The following KAZN variants were observed in gnomAD, a reference collection of about 807,000 sequenced individuals.
KAZN encodes kazrin, periplakin interacting protein, also known as kazrin.
In KAZN, 40 loss-of-function variants were observed where a neutral mutation model predicts 87.4. The observed-to-expected ratio is 0.46, with a 90% CI of 0.36 to 0.60. KAZN has a LOEUF of 0.60. KAZN is among the 20% of genes least tolerant of loss of function. The pLI is 0.00. For missense variants in KAZN, 898 were observed against 1,073.9 expected, an observed-to-expected ratio of 0.84 and a Z score of 2.29; for synonymous variants, 466 against 458.3, an observed-to-expected ratio of 1.02 and a Z score of -0.22.
At position 14,923,826 on chromosome 1, in the gene KAZN, G is replaced by T. The variant is rs975472231; in HGVS notation, c.227-36858G>T. Among the ~76,000 whole-genome samples the T allele has an allele frequency of 2.0e-5, 3 of 152,340 alleles. No individual in the cohort carries two copies. The highest frequency in any genetic ancestry group is 4.8e-5 in the African/African-American group (2 of 41,586). ...GCTGTCACAGGGTGTCAGGAGAGGA[G>T]AGAGACACAGCAAAGTGGGGTGCCA... On this transcript the variant is annotated intron_variant, in intron 1 of 14. Coordinates refer to ENST00000376030, the MANE Select transcript of KAZN (RefSeq NM_201628.3). This position sits in a 1 kb window ranked among gnomAD's most constrained non-coding sequence, Gnocchi z 4.2.
At chr1:14,346,430 C>T (rs914403142) in intron 2 of KAZN, among the ~76,000 whole-genome samples, 9 of 152,116 alleles carry the variant, frequency 5.9e-5, no homozygotes, top group African/African-American at 2.2e-4. Flanking sequence ...TGTTCTTTCT[C>T]AGCCCTCCTG....
intron 1 of KAZN, among the ~76,000 whole-genome samples, chr1:14,622,640 G>A (rs1414272850): frequency 7.0e-6 from 1 of 143,700 alleles, no homozygotes; most frequent in Non-Finnish European, 1.5e-5. Flanking sequence ...GCAGGGAGCG[G>A]AGATCGACCA....
At chr1:14,309,218 A>T (rs1000610964) in intron 2 of KAZN, among the ~76,000 whole-genome samples, 2 of 152,258 alleles carry the variant, frequency 1.3e-5, no homozygotes, top group Middle Eastern at 3.4e-3. Context: ...CAACCCTTTT[A>T]AAAAAAATTG....
intron 1 of KAZN, among the ~76,000 whole-genome samples, chr1:14,931,812 A>G (rs924229638): frequency 6.6e-6 from 1 of 152,190 alleles, no homozygotes; most frequent in Admixed American, 6.5e-5. Context: ...AGGCACGATC[A>G]GGGCACGCTA....
At chr1:14,929,583 A>G (rs2101563559) in intron 1 of KAZN, among the ~76,000 whole-genome samples, 1 of 152,322 alleles carries the variant, frequency 6.6e-6, no homozygotes, top group South Asian at 2.1e-4. Context: ...ATGTAGACAG[A>G]TTTTAGTCCC....
intron 1 of KAZN, among the ~76,000 whole-genome samples, chr1:14,940,148 A>C (rs534053983): frequency 2.0e-5 from 3 of 152,174 alleles, no homozygotes; most frequent in African/African-American, 7.2e-5. Context: ...TGGTATAGAG[A>C]GCTGCTTCCT....
Position 14,727,480 on chromosome 1 carries a change from T to C in KAZN, c.226+128257T>C, listed in dbSNP as rs1375844492. Among the ~76,000 whole-genome samples, 7 of 101,178 alleles carry C rather than the reference T, an allele frequency of 6.9e-5. 1 individual carries two copies. Among genetic ancestry groups the C allele is most frequent in the African/African-American group, 2.1e-4 (5 of 24,378 alleles). The allele number at this position is 101,178 out of a possible 152,430, so 66.4% of individuals were successfully genotyped here. A position where few individuals can be genotyped will look rare whatever the true frequency, so the allele number is the denominator to read the frequency against. On this transcript the variant is annotated intron_variant, in intron 1 of 14. Coordinates refer to ENST00000376030, the MANE Select transcript of KAZN (RefSeq NM_201628.3). ...TTTTTTTTTTTTTTTTTTTTTTTTT[T>C]TTTTTTTTTTTTTTTTGAGAAAGAG...
chr1:14,207,814 C>T (rs573843188), intron 2 of KAZN, among the ~76,000 whole-genome samples: 13 of 152,232 alleles, frequency 8.5e-5, no homozygotes, highest in South Asian at 8.3e-4. Context: ...AGATCAAAGA[C>T]GATCAAGAGC....
chr1:14,441,486 C>T (rs1374311096), intron 2 of KAZN, among the ~76,000 whole-genome samples: 3 of 152,198 alleles, frequency 2.0e-5, no homozygotes, highest in Non-Finnish European at 4.4e-5. Flanking sequence ...CGACATTTTA[C>T]AAGTCCTCCA....
chr1:14,349,537 C>T (rs1023870164), intron 2 of KAZN, among the ~76,000 whole-genome samples: 6 of 152,192 alleles, frequency 3.9e-5, no homozygotes, highest in African/African-American at 1.4e-4. Context: ...TCACAGTCCT[C>T]ACCATTCCCA....
At chr1:14,646,184 C>T (rs558444473) in intron 1 of KAZN, among the ~76,000 whole-genome samples, 5 of 152,238 alleles carry the variant, frequency 3.3e-5, no homozygotes, top group East Asian at 1.9e-4. Flanking sequence ...GTGCAGGTTA[C>T]GTGAATCTAT....
chr1:14,577,511 G>A (rs919474991), intron 2 of KAZN, among the ~76,000 whole-genome samples: 2 of 152,132 alleles, frequency 1.3e-5, no homozygotes, highest in East Asian at 1.9e-4. Context: ...GAGGGCTGTC[G>A]GGGCTGGCTT....
chr1:14,497,475 T>C (rs527687253), intron 2 of KAZN, among the ~76,000 whole-genome samples: 1 of 152,278 alleles, frequency 6.6e-6, no homozygotes, highest in East Asian at 1.9e-4. Flanking sequence ...ATCAGAGTCA[T>C]TTCCCTACCT....
intron 2 of KAZN, among the ~76,000 whole-genome samples, chr1:14,326,961 T>A (rs1557641631): frequency 6.6e-6 from 1 of 152,122 alleles, no homozygotes. Context: ...TATTGTTGAT[T>A]TGTTTGTCAT....
chr1:14,292,560 G>A (rs978475432), intron 2 of KAZN, among the ~76,000 whole-genome samples: 10 of 152,186 alleles, frequency 6.6e-5, no homozygotes, highest in African/African-American at 1.9e-4. Context: ...GTGCAGTGCT[G>A]ATGCGCCACC....
chr1:14,920,554 G>A (rs150019573), intron 1 of KAZN, among the ~76,000 whole-genome samples: 2 of 152,256 alleles, frequency 1.3e-5, no homozygotes, highest in African/African-American at 4.8e-5. Context: ...GCAGGACAGA[G>A]TGAGCCAAGT....
At chr1:14,346,472 T>G (rs755431884) in intron 2 of KAZN, among the ~76,000 whole-genome samples, 1 of 152,070 alleles carries the variant, frequency 6.6e-6, no homozygotes, top group Non-Finnish European at 1.5e-5. Context: ...CTGGGAAAGC[T>G]TGGCAAGATA....
chr1:15,103,510 C>T, intron 12 of KAZN, 50 bp downstream of exon 12: 1 of 1,196,836 alleles, frequency 8.4e-7, no homozygotes, highest in East Asian at 2.6e-5. Flanking sequence ...ACACAAACCC[C>T]ATGCAAATCT....
chr1:14,777,168 T>G (rs12731396), intron 1 of KAZN, among the ~76,000 whole-genome samples: 96,401 of 150,540 alleles, frequency 0.64, 31,424 homozygotes, highest in South Asian at 0.79. Flanking sequence ...TTTTTTTTTT[T>G]TGTATTTTTA....
Sources: gnomAD v4.1 joint callset for allele counts (sites outside exome capture counted in the v4.1 genomes callset) on GRCh38, gnomAD v4.1.1 for gene constraint, Gnocchi (gnomAD v3.1) non-coding constraint, MANE v1.5 for transcripts, NCBI Gene and HGNC (gene_info 2026-07-23, HGNC 2026-07-21) for gene names.